TENM1: variants seen among roughly 807,000 people sequenced by gnomAD.
TENM1 encodes the protein teneurin-1.
TENM1 carries 35 observed loss-of-function variants against 174.8 expected under a neutral mutation model. The observed-to-expected ratio is 0.20, with a 90% CI of 0.15 to 0.27. The LOEUF (loss-of-function observed/expected upper bound fraction) is 0.27. Among genes scored for constraint, TENM1 ranks in the 10% least tolerant of loss-of-function variants. The pLI is 1.00. For missense variants in TENM1, 1,633 were observed against 2,130.1 expected, an observed-to-expected ratio of 0.77 and a Z score of 4.59; for synonymous variants, 781 against 798.7, an observed-to-expected ratio of 0.98 and a Z score of 0.37.
chrX:125,055,076 A>T, the TENM1 span, among the ~76,000 whole-genome samples: 2 of 111,810 alleles, frequency 1.8e-5, no homozygotes, highest in Non-Finnish European at 3.8e-5. Flanking sequence ...AAAGAAAAAA[A>T]CTCAGTAATA....
At chrX:124,701,662 G>A (rs758009082) in intron 5 of TENM1, among the ~76,000 whole-genome samples, 9 of 112,242 alleles carry the variant, frequency 8.0e-5, no homozygotes, top group African/African-American at 2.9e-4. Context: ...GATGACAATA[G>A]CCATTCCATG....
Position 124,478,411 on chromosome X carries a change from C to T in TENM1, c.3949+3321G>A, listed in dbSNP as rs189148860. On this transcript the variant is annotated intron_variant, in intron 22 of 31. Transcript: ENST00000422452. The stretch of plus-strand genomic sequence containing the variant: ...CCATGGCTCCTGACCTGTTACCTTT[C>T]GCTGACTGGTTTTTAACTCCATTGG... Among the ~76,000 whole-genome samples the T allele has an allele frequency of 8.4e-3, 951 of 112,685 alleles. 9 individuals are homozygous for T. The highest frequency in any genetic ancestry group is 0.029 in the African/African-American group (896 of 31,208).
chrX:125,112,836 G>A, the TENM1 span, among the ~76,000 whole-genome samples: 1,380 of 111,008 alleles, frequency 0.012, 15 homozygotes, highest in Non-Finnish European at 0.022. Flanking sequence ...GTGATATCCC[G>A]TTTATAAATT....
chrX:124,481,699 A>C, intron 22 of TENM1, 33 bp downstream of exon 25: 2 of 327,816 alleles, frequency 6.1e-6, no homozygotes, highest in Non-Finnish European at 1.0e-5. Context: ...CCAAGGGTAT[A>C]TATATATATA....
chrX:124,833,805 T>C (rs1172580439), intron 3 of TENM1, among the ~76,000 whole-genome samples: 1 of 111,128 alleles, frequency 9.0e-6, no homozygotes, highest in East Asian at 2.8e-4. Context: ...TATCAACCCC[T>C]GCATATAAGT....
intron 15 of TENM1, among the ~76,000 whole-genome samples, chrX:124,534,757 GAGA>G (rs1324286642): frequency 9.0e-6 from 1 of 111,399 alleles, no homozygotes; most frequent in Non-Finnish European, 1.9e-5. Flanking sequence ...AGGTAGCACT[GAGA>G]AGGACTGGGC....
chrX:124,617,813 A>G (rs1389080021), intron 11 of TENM1, among the ~76,000 whole-genome samples: 1 of 111,473 alleles, frequency 9.0e-6, no homozygotes, highest in Non-Finnish European at 1.9e-5. Flanking sequence ...TTTAGAGTCT[A>G]TAAGAAATAC....
chrX:124,687,103 A>C (rs2052385684), intron 5 of TENM1, among the ~76,000 whole-genome samples: 1 of 111,762 alleles, frequency 8.9e-6, no homozygotes, highest in Admixed American at 9.5e-5. Context: ...AAAAATCACA[A>C]GCATTCCATA....
chrX:124,934,762 C>T (rs1431160354), intron 1 of TENM1, among the ~76,000 whole-genome samples: 4 of 111,343 alleles, frequency 3.6e-5, no homozygotes, highest in African/African-American at 1.3e-4. Flanking sequence ...CATCTTTCTC[C>T]CAAAACCCCA....
intron 11 of TENM1, among the ~76,000 whole-genome samples, chrX:124,607,625 G>C (rs998729952): frequency 9.0e-6 from 1 of 111,157 alleles, no homozygotes; most frequent in African/African-American, 3.3e-5. Flanking sequence ...AGCAGATTGG[G>C]TAGGGCCCTG....
chrX:124,774,923 C>T lies in TENM1; in HGVS notation c.536-37726G>A, dbSNP rs1240787827. On this transcript the variant is annotated intron_variant, in intron 3 of 31. Coordinates refer to ENST00000422452, the Ensembl canonical transcript of TENM1. ...TCATTCTAAAGGTTCTCCCTCCCTT[C>T]TCCTGCTCCCTCTCCATTATCCTTC... is the stretch of plus-strand genomic sequence containing the variant. Among the ~76,000 whole-genome samples, 10 of 111,024 alleles carry T rather than the reference C, an allele frequency of 9.0e-5. No homozygotes were observed. In the East Asian group the frequency reaches 2.8e-3, roughly 31 times the overall value.
chrX:124,775,591 C>A (rs766281711), intron 3 of TENM1, among the ~76,000 whole-genome samples: 12 of 112,156 alleles, frequency 1.1e-4, no homozygotes, highest in African/African-American at 3.9e-4. Context: ...GCAAGGAGAA[C>A]TTGGCTCTTC....
chrX:124,666,093 A>T (rs5958552), intron 6 of TENM1, among the ~76,000 whole-genome samples: 1 of 111,306 alleles, frequency 9.0e-6, no homozygotes, highest in African/African-American at 3.3e-5. Context: ...TTACATGGTC[A>T]TATATTCAGC....
At chrX:124,860,692 C>A (rs1484663709) in intron 3 of TENM1, among the ~76,000 whole-genome samples, 1 of 111,866 alleles carries the variant, frequency 8.9e-6, no homozygotes, top group African/African-American at 3.2e-5. Context: ...TTCTTTAAAT[C>A]TCCCAGACCC....
intron 22 of TENM1, among the ~76,000 whole-genome samples, chrX:124,478,215 C>T (rs1452097158): frequency 2.7e-5 from 3 of 112,258 alleles, no homozygotes; most frequent in South Asian, 3.8e-4. Context: ...TCTTCGTGTT[C>T]GGGTAAATGA....
At chrX:124,782,468 C>A (rs769648060) in intron 3 of TENM1, among the ~76,000 whole-genome samples, 2 of 110,792 alleles carry the variant, frequency 1.8e-5, no homozygotes, top group Non-Finnish European at 3.8e-5. Flanking sequence ...ATATACCATA[C>A]CCTATGCTTC....
chrX:125,091,985 CAAAAAAA>C, the TENM1 span, among the ~76,000 whole-genome samples: 2 of 14,182 alleles, frequency 1.4e-4, no homozygotes, highest in Non-Finnish European at 2.7e-4. Context: ...AACTCTGTCT[CAAAAAAA>C]AAAAAAAAAA....
chrX:124,590,895 T>A (rs2049720831), intron 11 of TENM1, among the ~76,000 whole-genome samples: 2 of 112,279 alleles, frequency 1.8e-5, no homozygotes, highest in Admixed American at 1.9e-4. Context: ...GAAGTACTTG[T>A]TTTATGAATC....
At chrX:124,478,305 G>A (rs1485458491) in intron 22 of TENM1, among the ~76,000 whole-genome samples, 3 of 112,160 alleles carry the variant, frequency 2.7e-5, no homozygotes, top group Non-Finnish European at 5.6e-5. Flanking sequence ...AAGAAAGTCC[G>A]GGCTCCCTCC....
Sources: gnomAD v4.1 joint callset for allele counts (sites outside exome capture counted in the v4.1 genomes callset) on GRCh38, gnomAD v4.1.1 for gene constraint, MANE v1.5 for transcripts, NCBI Gene and HGNC (gene_info 2026-07-23, HGNC 2026-07-21) for gene names.